LPCAT2: variants seen among roughly 807,000 people sequenced by gnomAD.
LPCAT2 encodes the protein lysophosphatidylcholine acyltransferase 2.
LPCAT2 carries 58 observed loss-of-function variants against 64.7 expected under a neutral mutation model. The observed-to-expected ratio is 0.90, with a 90% CI of 0.73 to 1.12. The LOEUF is 1.12. Among genes scored for constraint, LPCAT2 ranks in the 50% most tolerant of loss-of-function variants. The pLI is 0.00. For missense variants in LPCAT2, 579 were observed against 669.8 expected (o/e 0.86, Z 1.50); for synonymous variants, 252 against 245.3 (o/e 1.03, Z -0.26).
chr16:55,509,282 C>A lies in LPCAT2; in HGVS notation c.101C>A (p.Ser34Tyr). 3 of 1,513,612 alleles carry A rather than the reference C, an allele frequency of 2.0e-6. No homozygotes were observed. Among genetic ancestry groups the A allele is most frequent in the Non-Finnish European group, 2.7e-6 (3 of 1,123,476 alleles). The allele number at this position is 1,513,612 out of a possible 1,614,324, so 93.8% of individuals were successfully genotyped here. A position where few individuals can be genotyped will look rare whatever the true frequency, so the allele number is the denominator to read the frequency against. Reference protein sequence around the residue: ...LRPPMVPRQASFFPPPVPNPF... With the variant: ...LRPPMVPRQAYFFPPPVPNPF... ...CCGCCCATGGTGCCCCGTCAGGCGTCCTTCTTCCCGCCGCCGGTGCCGAAC... is the reference window on the plus strand; with the variant it reads ...CCGCCCATGGTGCCCCGTCAGGCGTACTTCTTCCCGCCGCCGGTGCCGAAC... Residue 34 changes from serine to tyrosine, a missense_variant, in exon 1 of 14, where the codon TCC (serine) becomes TAC (tyrosine). Ser to Tyr is a moderately radical substitution (Grantham distance 144). Transcript: ENST00000262134.
chr16:55,537,825 C>T (rs372805806), intron 8 of LPCAT2, among the ~76,000 whole-genome samples, 193 bp downstream of exon 8: 68 of 152,328 alleles, frequency 4.5e-4, no homozygotes, highest in African/African-American at 1.6e-3. Context: ...GAACTTGAAA[C>T]ATGTAACCAC....
chr16:55,523,992 C>G (rs948401349), intron 1 of LPCAT2, among the ~76,000 whole-genome samples: 1 of 151,808 alleles, frequency 6.6e-6, no homozygotes, highest in Non-Finnish European at 1.5e-5. Flanking sequence ...CACATTTCCA[C>G]TGATACTTTT....
chr16:55,568,831 C>T (rs1340212990), intron 11 of LPCAT2, among the ~76,000 whole-genome samples: 1 of 152,134 alleles, frequency 6.6e-6, no homozygotes, highest in Non-Finnish European at 1.5e-5. Flanking sequence ...GCCTTTCTTG[C>T]GTACAGACCT....
At chr16:55,549,159 A>T in intron 9 of LPCAT2, 118 bp from the exon 10 acceptor site, 1 of 742,986 alleles carries the variant, frequency 1.3e-6, no homozygotes, top group Non-Finnish European at 2.1e-6. Flanking sequence ...TTACTGGTTT[A>T]AAAAGTAGTA....
At chr16:55,520,174 A>C (rs1963075019) in intron 1 of LPCAT2, among the ~76,000 whole-genome samples, 1 of 152,256 alleles carries the variant, frequency 6.6e-6, no homozygotes, top group African/African-American at 2.4e-5. Context: ...ATAAATGTAA[A>C]TACAAAGATA....
chr16:55,509,705 C>G (rs1363631956), intron 1 of LPCAT2, among the ~76,000 whole-genome samples: 1 of 151,926 alleles, frequency 6.6e-6, no homozygotes, highest in African/African-American at 2.4e-5. Context: ...GAGGAGAGGA[C>G]TTCTGAGGGG....
At position 55,583,091 on chromosome 16, in the gene LPCAT2, A is replaced by G; in HGVS notation, c.1628A>G (p.Asp543Gly). ...KHEESTSDKK[D>G]D ...GAAGAGAGTACCTCAGACAAAAAAGATGACTGAAAGCAGTATTTCCAATAA... is the reference window on the plus strand; with the variant it reads ...GAAGAGAGTACCTCAGACAAAAAAGGTGACTGAAAGCAGTATTTCCAATAA... The change falls in exon 14 of 14, where the codon GAT becomes GGT. Residue 543 changes from aspartate (D) to glycine (G), a missense_variant. By Grantham distance (94) the Asp-to-Gly change is moderately conservative. Transcript: ENST00000262134. 6.2e-7 allele frequency: 1 copy of G among 1,611,724 alleles called. No homozygotes were observed.
At chr16:55,565,961 A>T (rs1453020237) in intron 11 of LPCAT2, among the ~76,000 whole-genome samples, 1 of 152,186 alleles carries the variant, frequency 6.6e-6, no homozygotes, top group Non-Finnish European at 1.5e-5. Flanking sequence ...AAGGTGCAAA[A>T]ATAAATCTAT....
Position 55,537,565 on chromosome 16 carries a change from T to C in LPCAT2, c.798-13T>C. ...TGACTGTATAAAGATAGACTTTTCT[T>C]TTTTCTCTTCAGCATTCAGCTTTGT... On this transcript the variant is annotated splice_polypyrimidine_tract_variant and intron_variant, in intron 7 of 13. Transcript: ENST00000262134. 6.2e-7 allele frequency: 1 copy of C among 1,609,790 alleles called. No homozygotes were observed. The highest frequency in any genetic ancestry group is 1.1e-5 in the South Asian group (1 of 90,600).
chr16:55,541,998 G>GA, intron 8 of LPCAT2: 1 of 1,159,706 alleles, frequency 8.6e-7, no homozygotes, highest in South Asian at 1.5e-5. Context: ...CTGTTACAAG[G>GA]AAAAAATAAA....
intron 12 of LPCAT2, among the ~76,000 whole-genome samples, chr16:55,577,327 A>T (rs1411188803): frequency 6.6e-6 from 1 of 152,092 alleles, no homozygotes; most frequent in African/African-American, 2.4e-5. Context: ...ATCACCCCTT[A>T]TCTAATACCT....
chr16:55,558,131 G>C (rs979493680), intron 11 of LPCAT2, among the ~76,000 whole-genome samples: 2 of 152,210 alleles, frequency 1.3e-5, no homozygotes, highest in Non-Finnish European at 1.5e-5. Context: ...AGATGAGTGA[G>C]AGCTAAGAGC....
chr16:55,523,045 G>T (rs1361624193), intron 1 of LPCAT2, among the ~76,000 whole-genome samples: 1 of 151,614 alleles, frequency 6.6e-6, no homozygotes, highest in Non-Finnish European at 1.5e-5. Flanking sequence ...TATTTTCAAT[G>T]CATATATTGA....
At chr16:55,575,714 AGGCC>A (rs1378980354) in intron 12 of LPCAT2, among the ~76,000 whole-genome samples, 1 of 152,176 alleles carries the variant, frequency 6.6e-6, no homozygotes, top group Non-Finnish European at 1.5e-5. Context: ...TATGTCTTAG[AGGCC>A]AATTGGGATA....
intron 2 of LPCAT2, among the ~76,000 whole-genome samples, chr16:55,527,103 C>A (rs1401381009): frequency 1.3e-5 from 2 of 152,056 alleles, no homozygotes; most frequent in African/African-American, 2.4e-5. Context: ...TTTCTGTGCC[C>A]TCTGGGAAAG....
At chr16:55,531,314 A>G (rs533995277) in intron 4 of LPCAT2, among the ~76,000 whole-genome samples, 1 of 152,168 alleles carries the variant, frequency 6.6e-6, no homozygotes, top group Non-Finnish European at 1.5e-5. Context: ...ATTTTACTTA[A>G]TGGGGAAACT....
intron 11 of LPCAT2, among the ~76,000 whole-genome samples, chr16:55,553,117 A>C (rs1449065818): frequency 1.3e-5 from 2 of 152,190 alleles, no homozygotes; most frequent in Admixed American, 6.5e-5. Context: ...ACATGCCTGT[A>C]ATCCCAGCTA....
intron 1 of LPCAT2, among the ~76,000 whole-genome samples, chr16:55,523,422 A>G (rs954819053): frequency 2.6e-5 from 4 of 151,860 alleles, no homozygotes; most frequent in East Asian, 1.9e-4. Flanking sequence ...AACATGCCCT[A>G]TGACCCAATA....
chr16:55,563,226 AG>A (rs1567403823), intron 11 of LPCAT2, among the ~76,000 whole-genome samples: 1 of 151,950 alleles, frequency 6.6e-6, no homozygotes. Context: ...ATATTGAATC[AG>A]TAACCAAAAA....
Sources: gnomAD v4.1 joint callset for allele counts (sites outside exome capture counted in the v4.1 genomes callset) on GRCh38, gnomAD v4.1.1 for gene constraint, MANE v1.5 for transcripts, NCBI Gene and HGNC (gene_info 2026-07-23, HGNC 2026-07-21) for gene names.